Variants in MYO5A observed in about 807,000 individuals in gnomAD.
MYO5A encodes the protein myosin VA.
A neutral mutation model predicts 249.7 loss-of-function variants in MYO5A; 98 were observed. The observed-to-expected ratio is 0.39, with a 90% CI of 0.33 to 0.46. The LOEUF is 0.46. Among genes scored for constraint, MYO5A ranks in the 20% least tolerant of loss-of-function variants. The probability of loss-of-function intolerance (pLI) is 0.98; values close to 1 mark genes in which losing one functional copy is unlikely to be tolerated. For missense variants in MYO5A, 1,696 were observed against 2,308.8 expected (o/e 0.73, Z 5.44); for synonymous variants, 778 against 810.6 (o/e 0.96, Z 0.68).
intron 4 of MYO5A, among the ~76,000 whole-genome samples, chr15:52,419,290 G>A (rs537083221): frequency 5.3e-5 from 8 of 152,152 alleles, no homozygotes; most frequent in Non-Finnish European, 1.0e-4. Context: ...CCCTTTATCC[G>A]ATCCCTTGTT....
chr15:52,375,177 C>G, intron 20 of MYO5A, 127 bp downstream of exon 20: 1 of 910,982 alleles, frequency 1.1e-6, no homozygotes. Flanking sequence ...AATAAATATG[C>G]ATTTCAATAG....
intron 11 of MYO5A, 37 bp from the exon 12 acceptor site, chr15:52,392,107 T>G: frequency 6.3e-7 from 1 of 1,586,880 alleles, no homozygotes; most frequent in South Asian, 1.1e-5. Flanking sequence ...CATTACTGGA[T>G]CATTGTAACA....
At chr15:52,515,655 G>C (rs1038691506) in intron 1 of MYO5A, among the ~76,000 whole-genome samples, 3 of 152,190 alleles carry the variant, frequency 2.0e-5, no homozygotes, top group Non-Finnish European at 4.4e-5. Flanking sequence ...AAGAAGGAGG[G>C]AGCAGATGAC....
At chr15:52,523,735 G>A (rs759205387) in intron 1 of MYO5A, among the ~76,000 whole-genome samples, 21 of 152,098 alleles carry the variant, frequency 1.4e-4, no homozygotes, top group Non-Finnish European at 2.8e-4. Context: ...TCCAAGCTGC[G>A]GAACTAGGAG....
intron 9 of MYO5A, among the ~76,000 whole-genome samples, chr15:52,403,820 GA>G (rs1217739364): frequency 1.3e-5 from 2 of 152,312 alleles, no homozygotes; most frequent in East Asian, 3.9e-4. Flanking sequence ...GAGGCTGGGG[GA>G]GGGGAGGAGG....
At chr15:52,364,202 C>T (rs2040690384) in intron 24 of MYO5A, among the ~76,000 whole-genome samples, 1 of 151,784 alleles carries the variant, frequency 6.6e-6, no homozygotes, top group Non-Finnish European at 1.5e-5. Flanking sequence ...TGTGCCACTA[C>T]ACTCCAGCCT....
intron 1 of MYO5A, among the ~76,000 whole-genome samples, chr15:52,446,854 T>C (rs2075902343): frequency 6.6e-6 from 1 of 152,208 alleles, no homozygotes; most frequent in Admixed American, 6.5e-5. Context: ...CTGTAGCCCC[T>C]TTCTTTTGGC....
intron 20 of MYO5A, 57 bp downstream of exon 20, chr15:52,375,247 G>T (rs776316939): frequency 2.6e-5 from 41 of 1,566,466 alleles, no homozygotes; most frequent in Non-Finnish European, 3.2e-5. Context: ...CTGTATAGAT[G>T]TGAAATTTGG....
intron 24 of MYO5A, among the ~76,000 whole-genome samples, chr15:52,364,089 T>C (rs1286576506): frequency 6.6e-6 from 1 of 151,868 alleles, no homozygotes; most frequent in Non-Finnish European, 1.5e-5. Context: ...ATACAAAAAA[T>C]TAGCTGGGCA....
intron 11 of MYO5A, 25 bp from the exon 12 acceptor site, chr15:52,392,095 G>A: frequency 6.3e-7 from 1 of 1,598,380 alleles, no homozygotes; most frequent in East Asian, 2.2e-5. Flanking sequence ...AAAAAAAGCA[G>A]TCATTACTGG....
Position 52,386,139 on chromosome 15 carries a change from A to G in MYO5A, c.1752+1690T>C, listed in dbSNP as rs1396121036. Among the ~76,000 whole-genome samples, 5 of 152,106 alleles carry G rather than the reference A, an allele frequency of 3.3e-5. No individual in the cohort carries two copies. In the East Asian group the frequency reaches 9.6e-4, roughly 29 times the overall value. On this transcript the variant is annotated intron_variant, in intron 14 of 41. Coordinates refer to ENST00000399233, the MANE Select transcript of MYO5A (RefSeq NM_001382347.1). ...CAAGACCAGCCTGGACAACATGGTGAAACCCCATCTCAACAAAAAATTAGA... is the reference window on the plus strand; with the variant it reads ...CAAGACCAGCCTGGACAACATGGTGGAACCCCATCTCAACAAAAAATTAGA...
chr15:52,328,446 A>C (rs2038713933), intron 35 of MYO5A, among the ~76,000 whole-genome samples: 1 of 152,150 alleles, frequency 6.6e-6, no homozygotes, highest in Non-Finnish European at 1.5e-5. Flanking sequence ...CTCATACCAC[A>C]TATCCAATCC....
intron 1 of MYO5A, among the ~76,000 whole-genome samples, chr15:52,472,845 A>G (rs547883448): frequency 3.3e-5 from 5 of 152,342 alleles, no homozygotes; most frequent in Middle Eastern, 3.4e-3. Context: ...TAGTACCTCA[A>G]TAAACATACG....
At chr15:52,358,277 G>A (rs917253052) in intron 25 of MYO5A, among the ~76,000 whole-genome samples, 4 of 152,146 alleles carry the variant, frequency 2.6e-5, no homozygotes, top group African/African-American at 9.7e-5. Flanking sequence ...GTACTACACT[G>A]GAATGGGCAG....
At chr15:52,375,612 T>C in intron 19 of MYO5A, 152 bp from the exon 20 acceptor site, 1 of 881,820 alleles carries the variant, frequency 1.1e-6, no homozygotes, top group Non-Finnish European at 1.8e-6. Flanking sequence ...AACATTTATA[T>C]TTACTTACAT....
chr15:52,330,531 G>A (rs953453972), intron 34 of MYO5A, 32 bp from the exon 35 acceptor site: 2 of 1,612,898 alleles, frequency 1.2e-6, no homozygotes, highest in Non-Finnish European at 1.7e-6. Flanking sequence ...AGGAGAAAAT[G>A]TTTTCCATAT....
intron 25 of MYO5A, 49 bp downstream of exon 25, chr15:52,359,919 C>A: frequency 7.5e-7 from 1 of 1,325,000 alleles, no homozygotes; most frequent in Non-Finnish European, 1.1e-6. Flanking sequence ...TCCTTGTTAA[C>A]AACAGCATGC....
rs1188744759 is a variant in MYO5A, at chr15:52,408,148, A to G, written c.757-8T>C. On this transcript the variant is annotated splice_polypyrimidine_tract_variant and splice_region_variant and intron_variant, in intron 6 of 41. Coordinates refer to ENST00000399233, the MANE Select transcript of MYO5A (RefSeq NM_001382347.1). Reference sequence around the variant, plus strand: ...GTTTCTCTCCTCTTCTGCCTTCGAAATAAGAAGAGTTTTCAATTACAGCAT... The same window carrying G: ...GTTTCTCTCCTCTTCTGCCTTCGAAGTAAGAAGAGTTTTCAATTACAGCAT... The G allele has an allele frequency of 6.4e-7, 1 of 1,551,876 alleles. No individual in the cohort carries two copies. Among genetic ancestry groups the G allele is most frequent in the Non-Finnish European group, 8.9e-7 (1 of 1,125,662 alleles).
At chr15:52,455,602 G>T (rs1724584) in intron 1 of MYO5A, among the ~76,000 whole-genome samples, 7,516 of 152,030 alleles carry the variant, frequency 0.049, 253 homozygotes, top group South Asian at 0.14. Flanking sequence ...ACATTAAAAA[G>T]ATCATTCACC....
Sources: gnomAD v4.1 joint callset for allele counts (sites outside exome capture counted in the v4.1 genomes callset) on GRCh38, gnomAD v4.1.1 for gene constraint, MANE v1.5 for transcripts, NCBI Gene and HGNC (gene_info 2026-07-23, HGNC 2026-07-21) for gene names.